The following EBF2 variants were observed in gnomAD, a reference collection of about 807,000 sequenced individuals.
The protein encoded by EBF2 is EBF transcription factor 2, also known as transcription factor COE2.
A neutral mutation model predicts 72.8 loss-of-function variants in EBF2; 21 were observed. The observed-to-expected ratio is 0.29, with a 90% CI of 0.20 to 0.42. The LOEUF (loss-of-function observed/expected upper bound fraction) is 0.42, where lower values mean the gene tolerates loss of function less well. EBF2 is among the 10% of genes least tolerant of loss of function. The pLI is 1.00. For synonymous variants in EBF2, 299 were observed against 274.2 expected, an observed-to-expected ratio of 1.09 and a Z score of -0.89; for missense variants, 637 against 731.2, an observed-to-expected ratio of 0.87 and a Z score of 1.49.
chr8:26,030,571 A>G (rs540110536), intron 6 of EBF2, among the ~76,000 whole-genome samples: 2 of 143,904 alleles, frequency 1.4e-5, no homozygotes, highest in Non-Finnish European at 1.5e-5. Flanking sequence ...AATTTCAATT[A>G]AAAAAAAAAA....
At chr8:25,958,500 A>T (rs544048668) in intron 6 of EBF2, among the ~76,000 whole-genome samples, 2 of 151,852 alleles carry the variant, frequency 1.3e-5, no homozygotes, top group African/African-American at 4.8e-5. Flanking sequence ...ACTTTATACA[A>T]CCTTATCACT....
intron 6 of EBF2, among the ~76,000 whole-genome samples, chr8:25,969,873 A>G (rs1043177314): frequency 6.6e-6 from 1 of 152,168 alleles, no homozygotes; most frequent in Non-Finnish European, 1.5e-5. Context: ...CCTGACAGCA[A>G]TATCTGTTTC....
intron 7 of EBF2, among the ~76,000 whole-genome samples, chr8:25,901,258 T>TA (rs1453679717): frequency 6.6e-6 from 1 of 151,702 alleles, no homozygotes; most frequent in Admixed American, 6.6e-5. Flanking sequence ...CCCGTCTCGA[T>TA]AAAAAATACA....
rs61223225 is a variant in EBF2 at position 25,883,447 on chromosome 8, A to G, written c.1009+3308T>C. Among the ~76,000 whole-genome samples, 440 of 146,838 alleles carry G rather than the reference A, an allele frequency of 3.0e-3. 3 individuals carry two copies. The highest frequency in any genetic ancestry group is 0.01 in the African/African-American group (400 of 39,372). On this transcript the variant is annotated intron_variant, in intron 10 of 15. Transcript: ENST00000520164. ...TTTTTTTTAACTTCTGTCATCTCCC[A>G]TTCTAGAACTGTAAGCTGATAGAGG...
intron 6 of EBF2, among the ~76,000 whole-genome samples, chr8:26,025,192 G>T (rs577533954): frequency 6.6e-6 from 1 of 152,120 alleles, no homozygotes; most frequent in Non-Finnish European, 1.5e-5. Flanking sequence ...GTTCCGGACA[G>T]GGGGATTCAC....
chr8:25,896,644 G>A (rs1381108356), intron 7 of EBF2, among the ~76,000 whole-genome samples: 1 of 152,156 alleles, frequency 6.6e-6, no homozygotes, highest in Non-Finnish European at 1.5e-5. Context: ...GTGGAAGGAG[G>A]AAAGGGACAG....
chr8:25,937,079 T>G (rs1714167329), intron 6 of EBF2, among the ~76,000 whole-genome samples: 3 of 152,246 alleles, frequency 2.0e-5, no homozygotes, highest in Admixed American at 1.3e-4. Context: ...CAATGAGATG[T>G]AAGAGAACAC....
intron 6 of EBF2, among the ~76,000 whole-genome samples, chr8:25,975,097 A>T (rs1046703998): frequency 1.3e-5 from 2 of 152,070 alleles, no homozygotes; most frequent in East Asian, 3.8e-4. Flanking sequence ...CTCCTAAAAC[A>T]CCATACACCC....
chr8:26,039,178 C>T (rs1805558663), intron 5 of EBF2, among the ~76,000 whole-genome samples: 1 of 151,628 alleles, frequency 6.6e-6, no homozygotes, highest in Non-Finnish European at 1.5e-5. Flanking sequence ...ACTCAATAAA[C>T]ATTTGTTGAA....
rs1366255491 is a variant in EBF2 at position 25,843,126 on chromosome 8, C to T, written c.*1483G>A. ...GCTAGTCACAAAACGATGAAGAGCC[C>T]ATCAAAGGGCTGGGTAACTGTGCTG... On this transcript the variant is annotated 3_prime_UTR_variant, in exon 16 of 16. Coordinates refer to ENST00000520164, the MANE Select transcript of EBF2 (RefSeq NM_022659.4). 6.6e-6 allele frequency: 1 copy of T among 152,156 alleles called. No homozygotes were observed. Among genetic ancestry groups the T allele is most frequent in the Non-Finnish European group, 1.5e-5 (1 of 68,036 alleles). 9.4% of individuals were successfully genotyped at this position (152,156 alleles called of 1,614,324 possible).
intron 6 of EBF2, among the ~76,000 whole-genome samples, chr8:26,002,539 C>T (rs1236481033): frequency 6.7e-6 from 1 of 148,610 alleles, no homozygotes; most frequent in Non-Finnish European, 1.5e-5. Context: ...CTCCTTTTCC[C>T]TTTGTGTTCT....
chr8:25,879,633 G>A (rs1277851416), intron 10 of EBF2, among the ~76,000 whole-genome samples: 3 of 152,158 alleles, frequency 2.0e-5, no homozygotes, highest in Admixed American at 6.5e-5. Context: ...TTCAGGGACA[G>A]CCCACTCTCC....
At chr8:25,959,740 C>T (rs1174959393) in intron 6 of EBF2, among the ~76,000 whole-genome samples, 1 of 152,142 alleles carries the variant, frequency 6.6e-6, no homozygotes, top group African/African-American at 2.4e-5. Flanking sequence ...TTACCCTTTC[C>T]CTCTGGGTTT....
intron 7 of EBF2, among the ~76,000 whole-genome samples, chr8:25,900,687 A>G (rs901720534): frequency 6.6e-6 from 1 of 152,178 alleles, no homozygotes; most frequent in Non-Finnish European, 1.5e-5. Context: ...TGAGGTAAGC[A>G]TCTTTATCTT....
At chr8:25,874,853 C>CTTTTTTTTTTTTTTTTTTTTTTTTTT in intron 10 of EBF2, among the ~76,000 whole-genome samples, 1 of 99,574 alleles carries the variant, frequency 1.0e-5, no homozygotes, top group Non-Finnish European at 1.9e-5. Context: ...GCCTGGCTAA[C>CTTTTTTTTTTTTTTTTTTTTTTTTTT]TTTTTTTTTT....
intron 6 of EBF2, among the ~76,000 whole-genome samples, chr8:25,946,924 G>GTT (rs145143555): frequency 6.6e-6 from 1 of 152,146 alleles, no homozygotes; most frequent in Non-Finnish European, 1.5e-5. Flanking sequence ...ACAGAGTTAC[G>GTT]TTTTTTTGTG....
At chr8:25,982,636 C>T (rs1215170829) in intron 6 of EBF2, among the ~76,000 whole-genome samples, 1 of 152,164 alleles carries the variant, frequency 6.6e-6, no homozygotes, top group African/African-American at 2.4e-5. Context: ...CCTTCCAAGG[C>T]CATTGAAGCT....
At chr8:26,009,258 C>A in intron 6 of EBF2, among the ~76,000 whole-genome samples, 1 of 151,788 alleles carries the variant, frequency 6.6e-6, no homozygotes, top group Non-Finnish European at 1.5e-5. Flanking sequence ...TCTTTTTTTC[C>A]CCCAGAAAGA....
chr8:25,846,613 CAGG>C (rs972298449), intron 15 of EBF2, among the ~76,000 whole-genome samples: 2 of 152,098 alleles, frequency 1.3e-5, no homozygotes, highest in African/African-American at 4.8e-5. Flanking sequence ...TTATTGAGCC[CAGG>C]AGGTCAAGGC....
Sources: gnomAD v4.1 joint callset for allele counts (sites outside exome capture counted in the v4.1 genomes callset) on GRCh38, gnomAD v4.1.1 for gene constraint, MANE v1.5 for transcripts, NCBI Gene and HGNC (gene_info 2026-07-23, HGNC 2026-07-21) for gene names.